Variants in CSTPP1 observed in about 807,000 individuals in gnomAD.
The protein encoded by CSTPP1 is UPF0705 protein C11orf49.
chr11:47,030,322 TTGAG>T, the CSTPP1 span, among the ~76,000 whole-genome samples: 2 of 152,154 alleles, frequency 1.3e-5, no homozygotes, highest in Non-Finnish European at 1.5e-5. Context: ...CGTTTTCAGT[TTGAG>T]TGAGAACAAG....
At chr11:46,977,450 CTAT>C in the CSTPP1 span, among the ~76,000 whole-genome samples, 1 of 152,218 alleles carries the variant, frequency 6.6e-6, no homozygotes, top group Non-Finnish European at 1.5e-5. Flanking sequence ...ATTTAGAGAC[CTAT>C]TATGTCCAGC....
chr11:46,937,449 T>G, the CSTPP1 span, among the ~76,000 whole-genome samples: 20 of 152,234 alleles, frequency 1.3e-4, no homozygotes, highest in Non-Finnish European at 1.5e-5. Flanking sequence ...GCTCTTGAGC[T>G]AAGACTGTAT....
the CSTPP1 span, among the ~76,000 whole-genome samples, chr11:47,106,642 C>CAA: frequency 1.8e-4 from 24 of 133,710 alleles, no homozygotes; most frequent in African/African-American, 4.9e-4. Flanking sequence ...GACCCTATCT[C>CAA]AAAAAAAAAA....
At chr11:46,974,139 A>C in the CSTPP1 span, among the ~76,000 whole-genome samples, 1 of 152,138 alleles carries the variant, frequency 6.6e-6, no homozygotes, top group Admixed American at 6.5e-5. Flanking sequence ...GGGCTGAGGC[A>C]GGAGGATTCC....
the CSTPP1 span, among the ~76,000 whole-genome samples, chr11:47,048,592 A>T: frequency 2.0e-5 from 3 of 152,026 alleles, no homozygotes; most frequent in African/African-American, 7.2e-5. Flanking sequence ...CAGATATTAC[A>T]TGATTCCACT....
the CSTPP1 span, among the ~76,000 whole-genome samples, chr11:47,144,980 A>ATTTTT: frequency 4.7e-4 from 44 of 92,920 alleles, 3 homozygotes; most frequent in African/African-American, 1.3e-3. Context: ...ATTGCCTGCC[A>ATTTTT]TTTTTTTTTT....
chr11:47,038,274 G>A, the CSTPP1 span, among the ~76,000 whole-genome samples: 12 of 113,564 alleles, frequency 1.1e-4, 1 homozygote, highest in Non-Finnish European at 2.1e-4. Flanking sequence ...CTGGCCGGGC[G>A]GGGGGCTGAC....
chr11:47,040,749 T>C, the CSTPP1 span, among the ~76,000 whole-genome samples: 1 of 127,132 alleles, frequency 7.9e-6, no homozygotes, highest in African/African-American at 2.5e-5. Context: ...GGTTCAGATG[T>C]TCCTCATAGA....
chr11:47,098,504 T>C, the CSTPP1 span, among the ~76,000 whole-genome samples: 320 of 145,358 alleles, frequency 2.2e-3, 1 homozygote, highest in African/African-American at 7.5e-3. Context: ...TGTTTTCTTT[T>C]TTCTTTTTTT....
At chr11:47,105,354 A>T in the CSTPP1 span, among the ~76,000 whole-genome samples, 1 of 152,130 alleles carries the variant, frequency 6.6e-6, no homozygotes, top group South Asian at 2.1e-4. Context: ...TAAAAATTTT[A>T]AAAGTAGTTG....
At chr11:46,981,276 G>C in the CSTPP1 span, among the ~76,000 whole-genome samples, 1 of 151,388 alleles carries the variant, frequency 6.6e-6, no homozygotes, top group African/African-American at 2.4e-5. Flanking sequence ...AAAAAAAGAT[G>C]CAGAAAGGAT....
the CSTPP1 span, among the ~76,000 whole-genome samples, chr11:47,000,853 A>G: frequency 6.6e-6 from 1 of 152,210 alleles, no homozygotes. Context: ...TAAGCATATA[A>G]TATCCATTAT....
chr11:46,981,797 G>T, the CSTPP1 span, among the ~76,000 whole-genome samples: 5 of 151,968 alleles, frequency 3.3e-5, no homozygotes, highest in Admixed American at 2.0e-4. Context: ...GGTTGTATAA[G>T]AATTACATGT....
chr11:47,049,583 G>A, the CSTPP1 span, among the ~76,000 whole-genome samples: 1 of 152,010 alleles, frequency 6.6e-6, no homozygotes, highest in Non-Finnish European at 1.5e-5. Flanking sequence ...AGAGGTTGCA[G>A]TGAGCCAAGA....
the CSTPP1 span, among the ~76,000 whole-genome samples, chr11:47,014,753 A>G: frequency 2.1e-5 from 3 of 140,670 alleles, no homozygotes; most frequent in African/African-American, 7.7e-5. Context: ...GAAAGGAAGG[A>G]AGGGAGGGAG....
the CSTPP1 span, among the ~76,000 whole-genome samples, chr11:46,979,147 G>A: frequency 6.6e-6 from 1 of 151,980 alleles, no homozygotes; most frequent in East Asian, 1.9e-4. Context: ...AAAGAGACAG[G>A]AGTCCTACTA....
At chr11:46,936,707 C>A in the CSTPP1 span, 41 of 1,546,280 alleles carry the variant, frequency 2.7e-5, no homozygotes, top group Non-Finnish European at 3.3e-5. Flanking sequence ...CAGCTCCCGT[C>A]CCCCTTCCGC....
chr11:47,013,058 TAAC>T, the CSTPP1 span, among the ~76,000 whole-genome samples: 1 of 147,162 alleles, frequency 6.8e-6, no homozygotes, highest in Admixed American at 6.8e-5. Context: ...ATATAAATAA[TAAC>T]ATATATATTT....
At chr11:47,047,149 C>T in the CSTPP1 span, among the ~76,000 whole-genome samples, 11 of 152,128 alleles carry the variant, frequency 7.2e-5, no homozygotes, top group Non-Finnish European at 1.5e-4. Flanking sequence ...GATCTGCCCG[C>T]GTCAACCTCC....
Sources: gnomAD v4.1 joint callset for allele counts (sites outside exome capture counted in the v4.1 genomes callset) on GRCh38, gnomAD v4.1.1 for gene constraint, MANE v1.5 for transcripts, NCBI Gene and HGNC (gene_info 2026-07-23, HGNC 2026-07-21) for gene names.